Variants in GABRB2 observed in about 807,000 individuals in gnomAD.
GABRB2 encodes gamma-aminobutyric acid type A receptor subunit beta2.
GABRB2 carries 16 observed loss-of-function variants against 54.7 expected under a neutral mutation model. The observed-to-expected ratio is 0.29, with a 90% CI of 0.20 to 0.44. GABRB2 has a LOEUF of 0.44. GABRB2 is among the 20% of genes least tolerant of loss of function. The pLI, the probability that GABRB2 is intolerant of heterozygous loss-of-function variation, is 1.00. For synonymous variants in GABRB2, 244 were observed against 233.8 expected, an observed-to-expected ratio of 1.04 and a Z score of -0.40; for missense variants, 355 against 644.0, an observed-to-expected ratio of 0.55 and a Z score of 4.86.
At chr5:161,404,856 A>G (rs1288293881) in intron 5 of GABRB2, among the ~76,000 whole-genome samples, 1 of 152,040 alleles carries the variant, frequency 6.6e-6, no homozygotes, top group African/African-American at 2.4e-5. Context: ...AGTCCTACAT[A>G]TTTTTGCTTG....
At chr5:161,424,669 T>C (rs1756946998) in intron 4 of GABRB2, among the ~76,000 whole-genome samples, 1 of 152,112 alleles carries the variant, frequency 6.6e-6, no homozygotes, top group Non-Finnish European at 1.5e-5. Flanking sequence ...GAAATTAATA[T>C]TTTTAGGCCT....
At chr5:161,437,439 G>A (rs940593586) in intron 4 of GABRB2, among the ~76,000 whole-genome samples, 2 of 152,048 alleles carry the variant, frequency 1.3e-5, no homozygotes, top group Non-Finnish European at 2.9e-5. Context: ...CCCAGTCCTG[G>A]CAGCATTCAT....
intron 9 of GABRB2, among the ~76,000 whole-genome samples, chr5:161,313,332 C>G (rs560503682): frequency 6.6e-6 from 1 of 152,178 alleles, no homozygotes; most frequent in South Asian, 2.1e-4. Context: ...TAGACACATA[C>G]ATTCTGGTTG....
At chr5:161,516,671 T>C (rs1759960718) in intron 3 of GABRB2, among the ~76,000 whole-genome samples, 1 of 152,224 alleles carries the variant, frequency 6.6e-6, no homozygotes, top group South Asian at 2.1e-4. Flanking sequence ...AAAAAGTTTA[T>C]AAATCAATGG....
chr5:161,546,890 C>A, upstream of GABRB2: 1 of 634,408 alleles, frequency 1.6e-6, no homozygotes, highest in Non-Finnish European at 2.3e-6. Context: ...AAAAGTCACC[C>A]CACAGCAGCA....
chr5:161,490,126 A>G lies in GABRB2; in HGVS notation c.238-30282T>C, dbSNP rs10067824. Among the ~76,000 whole-genome samples the G allele has an allele frequency of 3.0e-3, 458 of 151,890 alleles. 1 individual carries two copies. The highest frequency in any genetic ancestry group is 0.011 in the African/African-American group (439 of 41,518). ...CTGTAAATGTGTTTAGTGATAAACC[A>G]TTTATGCCACTTACCTATACTTACT... On this transcript the variant is annotated intron_variant, in intron 3 of 9. Coordinates refer to ENST00000393959, the MANE Select transcript of GABRB2 (RefSeq NM_001371727.1).
chr5:161,350,690 A>G (rs1754447958), intron 5 of GABRB2, among the ~76,000 whole-genome samples: 1 of 152,054 alleles, frequency 6.6e-6, no homozygotes. Flanking sequence ...CCCACCCTCA[A>G]TCTGGGTGGG....
At position 161,291,654 on chromosome 5, in the gene GABRB2, T is replaced by G. The variant is rs1401897007; in HGVS notation, c.*2427A>C. 6.6e-6 allele frequency: 1 copy of G among 152,630 alleles called. No individual in the cohort carries two copies. The highest frequency in any genetic ancestry group is 1.5e-5 in the Non-Finnish European group (1 of 68,028). The allele number at this position is 152,630 out of a possible 1,614,324, so 9.5% of individuals were successfully genotyped here. A position where few individuals can be genotyped will look rare whatever the true frequency, so the allele number is the denominator to read the frequency against. On this transcript the variant is annotated 3_prime_UTR_variant, in exon 10 of 10. Transcript: ENST00000393959. ...TTTGAGGCTCAAGCTGCAAAGATGC[T>G]TCTCTACACTTTGATCTGGATTGTT...
At chr5:161,343,538 G>A (rs954390801) in intron 5 of GABRB2, among the ~76,000 whole-genome samples, 1 of 152,038 alleles carries the variant, frequency 6.6e-6, no homozygotes, top group African/African-American at 2.4e-5. Flanking sequence ...GGAGCAAGGT[G>A]ATCTGGTGGC....
chr5:161,302,144 C>A (rs890366849), intron 9 of GABRB2, among the ~76,000 whole-genome samples: 4 of 152,150 alleles, frequency 2.6e-5, no homozygotes, highest in Admixed American at 6.5e-5. Context: ...GACTTCACTG[C>A]GGACTTGAAT....
intron 4 of GABRB2, among the ~76,000 whole-genome samples, chr5:161,450,442 G>A (rs532524589): frequency 1.3e-5 from 2 of 152,256 alleles, no homozygotes; most frequent in East Asian, 3.9e-4. Context: ...TCCTAGGGTT[G>A]CTAAATACAA....
At chr5:161,432,482 G>A (rs929530667) in intron 4 of GABRB2, among the ~76,000 whole-genome samples, 1 of 152,142 alleles carries the variant, frequency 6.6e-6, no homozygotes, top group African/African-American at 2.4e-5. Context: ...GTAAATAGCA[G>A]CATCTTTAAG....
At chr5:161,388,712 C>CT (rs1282356955) in intron 5 of GABRB2, among the ~76,000 whole-genome samples, 1 of 151,718 alleles carries the variant, frequency 6.6e-6, no homozygotes, top group Admixed American at 6.6e-5. Flanking sequence ...GGCTTTGTGT[C>CT]TTTTTTTAGC....
chr5:161,512,777 C>T (rs1028224578), intron 3 of GABRB2, among the ~76,000 whole-genome samples: 3 of 152,072 alleles, frequency 2.0e-5, no homozygotes, highest in African/African-American at 4.8e-5. Flanking sequence ...AAACACATGA[C>T]CTACAGACTG....
chr5:161,377,013 T>C (rs1755326711), intron 5 of GABRB2, among the ~76,000 whole-genome samples: 1 of 152,130 alleles, frequency 6.6e-6, no homozygotes, highest in Non-Finnish European at 1.5e-5. Context: ...TAGGACAGGT[T>C]ATTAATATAA....
In GABRB2 at chr5:161,538,588, C is replaced by G. The variant is rs549109890; in HGVS notation, c.237+6639G>C. ...CTATAATCCCAGCACTCTGGGAGGC[C>G]AAGGGTGGGGAAATCGCTTGAGCTC... On this transcript the variant is annotated intron_variant, in intron 3 of 9. Coordinates refer to ENST00000393959, the MANE Select transcript of GABRB2 (RefSeq NM_001371727.1). 3.9e-5 allele frequency among the ~76,000 whole-genome samples: 6 copies of G among 152,300 alleles called. No individual in the cohort carries two copies. The South Asian group carries it at 1.2e-3, about 32-fold the overall frequency.
chr5:161,456,023 C>T (rs560325801), intron 4 of GABRB2, among the ~76,000 whole-genome samples: 2 of 152,236 alleles, frequency 1.3e-5, no homozygotes, highest in East Asian at 1.9e-4. Flanking sequence ...ATGACTGTCC[C>T]TCCTTTAACC....
intron 3 of GABRB2, 76 bp from the exon 4 acceptor site, chr5:161,459,920 T>C: frequency 1.4e-6 from 1 of 737,510 alleles, no homozygotes; most frequent in Non-Finnish European, 2.2e-6. Flanking sequence ...ATCTCAGTAT[T>C]AATAAGAAAA....
At chr5:161,440,613 T>C (rs541711243) in intron 4 of GABRB2, among the ~76,000 whole-genome samples, 4 of 152,070 alleles carry the variant, frequency 2.6e-5, no homozygotes, top group Non-Finnish European at 5.9e-5. Flanking sequence ...CAAACAGAGA[T>C]ATAGGCCCCA....
Sources: allele counts gnomAD v4.1 joint callset (sites outside exome capture counted in the v4.1 genomes callset), GRCh38; gene constraint gnomAD v4.1.1; transcripts MANE v1.5; gene names NCBI Gene and HGNC (gene_info 2026-07-23, HGNC 2026-07-21).